UMPS: variants seen among roughly 807,000 people sequenced by gnomAD.
UMPS encodes uridine 5'-monophosphate synthase.
Under a neutral mutation model 38.9 loss-of-function variants are expected in UMPS, and 21 were observed. That is an observed-to-expected ratio of 0.54 (90% confidence interval 0.38 to 0.78). The LOEUF is 0.78. Ranked by LOEUF, UMPS falls within the 30% of genes least tolerant of loss-of-function variation. The pLI is 0.00. For synonymous variants in UMPS, 208 were observed against 219.3 expected, an observed-to-expected ratio of 0.95 and a Z score of 0.45; for missense variants, 533 against 591.6, an observed-to-expected ratio of 0.90 and a Z score of 1.03.
Position 124,738,079 on chromosome 3 carries a change from A to T in UMPS, c.822A>T (p.Gly274=). ...TGTTGCAGCTAGCAGATGCTTTAGGACCTAGTATCTGCATGCTGAAGACTC... is the reference window on the plus strand; with the variant it reads ...TGTTGCAGCTAGCAGATGCTTTAGGTCCTAGTATCTGCATGCTGAAGACTC... ...RELLQLADAL[G]PSICMLKTHV... is the part of the protein sequence containing the mutation. The change falls in exon 3 of 6, where the codon GGA becomes GGT. Residue 274 remains glycine, a synonymous_variant. Coordinates refer to ENST00000232607, the MANE Select transcript of UMPS (RefSeq NM_000373.4). 6.2e-7 allele frequency: 1 copy of T among 1,614,192 alleles called. No individual in the cohort carries two copies. The highest frequency in any genetic ancestry group is 1.1e-5 in the South Asian group (1 of 91,084).
At chr3:124,741,583 C>T (rs534091831) in intron 4 of UMPS, among the ~76,000 whole-genome samples, 5 of 152,232 alleles carry the variant, frequency 3.3e-5, no homozygotes, top group South Asian at 4.2e-4. Context: ...TGGAGTACCC[C>T]GTCTGTAGAT....
chr3:124,742,072 G>GA (rs1326990377), intron 4 of UMPS, 80 bp from the exon 5 acceptor site: 6 of 783,526 alleles, frequency 7.7e-6, no homozygotes, highest in Admixed American at 2.3e-5. Flanking sequence ...TTTAAGTTTT[G>GA]AAAAAATAGA....
rs1479573706 is a variant in UMPS at position 124,737,552 on chromosome 3, AT to A, written c.311-10del. ...CATATTTAAATTTGGAATCAGCAAAATTTTTTCTTTTCTAGGAACTAAGCGT... is the reference window on the plus strand; with the variant it reads ...CATATTTAAATTTGGAATCAGCAAAATTTTTCTTTTCTAGGAACTAAGCGT... On this transcript the variant is annotated splice_polypyrimidine_tract_variant and intron_variant, in intron 2 of 5. Coordinates refer to ENST00000232607, the MANE Select transcript of UMPS (RefSeq NM_000373.4). The A allele has an allele frequency of 1.2e-6, 2 of 1,613,982 alleles. No individual in the cohort carries two copies. Among genetic ancestry groups the A allele is most frequent in the Non-Finnish European group, 1.7e-6 (2 of 1,179,964 alleles).
chr3:124,747,212 G>A lies in UMPS; in HGVS notation c.*3128G>A. On this transcript the variant is annotated 3_prime_UTR_variant, in exon 6 of 6. Transcript: ENST00000232607. The stretch of plus-strand genomic sequence containing the variant: ...GTTAATTTTTAAAATTTTTTGTAGA[G>A]ACGGTGGAGGAGGTTCTCACTGTGA... The A allele has an allele frequency of 2.2e-6, 1 of 453,264 alleles. No homozygotes were observed. The highest frequency in any genetic ancestry group is 4.4e-6 in the Non-Finnish European group (1 of 226,002). 28.1% of individuals were successfully genotyped at this position (453,264 alleles called of 1,614,324 possible).
chr3:124,730,768 T>A, intron 1 of UMPS, 141 bp downstream of exon 1: 1 of 978,352 alleles, frequency 1.0e-6, no homozygotes, highest in Non-Finnish European at 1.5e-6. Context: ...GTTTGGGGAG[T>A]AAGCATGAGA....
chr3:124,743,655 A>AATAAAAAT (rs1553749307), intron 5 of UMPS, among the ~76,000 whole-genome samples: 11 of 151,508 alleles, frequency 7.3e-5, no homozygotes, highest in Admixed American at 2.6e-4. Flanking sequence ...TAAATAAATA[A>AATAAAAAT]AAATAAATAA....
chr3:124,746,985 G>C lies in UMPS; in HGVS notation c.*2901G>C, dbSNP rs144492816. ...TCAGCTCTAAGAAAATCTGCCAAAA[G>C]TAGGCCGAGGGCTGGTTTTTTGTTT... On this transcript the variant is annotated 3_prime_UTR_variant, in exon 6 of 6. Coordinates refer to ENST00000232607, the MANE Select transcript of UMPS (RefSeq NM_000373.4). 5,343 of 453,616 alleles carry C rather than the reference G, an allele frequency of 0.012. 82 individuals are homozygous for C. Among genetic ancestry groups the C allele is most frequent in the Admixed American group, 0.036 (1,539 of 42,466 alleles). 28.1% of individuals were successfully genotyped at this position (453,616 alleles called of 1,614,324 possible).
rs758211116 is a variant in UMPS, at chr3:124,737,562, T to C, written c.311-6T>C. On this transcript the variant is annotated splice_polypyrimidine_tract_variant and splice_region_variant and intron_variant, in intron 2 of 5. Coordinates refer to ENST00000232607, the MANE Select transcript of UMPS (RefSeq NM_000373.4). ...TTTGGAATCAGCAAAATTTTTTCTT[T>C]TCTAGGAACTAAGCGTCTTGTAGAA... 6.2e-7 allele frequency: 1 copy of C among 1,614,060 alleles called. No individual in the cohort carries two copies.
rs694897 is a variant in UMPS, at chr3:124,739,969, C to T, written c.983-55C>T. ...ATTGTAGTTGGTTGGTTGGACAAGA[C>T]GTTAGAGGTTTTGTTTGAAAATCAG... On this transcript the variant is annotated intron_variant, in intron 3 of 5. Transcript: ENST00000232607. 22 of 1,574,678 alleles carry T rather than the reference C, an allele frequency of 1.4e-5. No homozygotes were observed. The Admixed American group carries it at 2.3e-4, about 17-fold the overall frequency.
rs144643225 is a variant in UMPS at position 124,743,938 on chromosome 3, A to G, written c.1297A>G (p.Asn433Asp). The change falls in exon 6 of 6, where the codon AAT becomes GAT. Residue 433 changes from asparagine (N) to aspartate (D), a missense_variant. Asn to Asp is a conservative substitution (Grantham distance 23). Coordinates refer to ENST00000232607, the MANE Select transcript of UMPS (RefSeq NM_000373.4). ...AGGAGATAATCTTGGCCAACAGTACAATAGCCCACAAGAAGTTATTGGCAA... is the reference window on the plus strand; with the variant it reads ...AGGAGATAATCTTGGCCAACAGTACGATAGCCCACAAGAAGTTATTGGCAA... ...AGGDNLGQQY[N>D]SPQEVIGKRG... The G allele has an allele frequency of 3.1e-6, 5 of 1,614,194 alleles. No homozygotes were observed. The East Asian group carries it at 1.1e-4, about 36-fold the overall frequency.
chr3:124,735,160 C>CT lies in UMPS; in HGVS notation c.226dup (p.Tyr76LeufsTer21). The stretch of plus-strand genomic sequence containing the variant: ...AGTTTTGACACCGTGTGTGGAGTGC[C>CT]TTATACAGCTTTGCCATTGGCTACA... On this transcript the variant is annotated frameshift_variant, in exon 2 of 6. Transcript: ENST00000232607. LOFTEE classifies it high-confidence loss of function. 3 of 1,614,164 alleles carry CT rather than the reference C, an allele frequency of 1.9e-6. No homozygotes were observed. The highest frequency in any genetic ancestry group is 2.5e-6 in the Non-Finnish European group (3 of 1,180,006).
At position 124,746,790 on chromosome 3, in the gene UMPS, TGTGTGTGC is replaced by T; in HGVS notation, c.*2707_*2714del. On this transcript the variant is annotated 3_prime_UTR_variant, in exon 6 of 6. Transcript: ENST00000232607. ...GTGTGTGTGTGTGTGTGTGTGTGTG[TGTGTGTGC>T]ATGCGCGCGCGTGCGCACTGGAGGA... is the stretch of plus-strand genomic sequence containing the variant. The T allele has an allele frequency of 2.6e-6, 1 of 379,412 alleles. No homozygotes were observed. The highest frequency in any genetic ancestry group is 1.7e-5 in the South Asian group (1 of 58,066). The allele number at this position is 379,412 out of a possible 1,614,324, so 23.5% of individuals were successfully genotyped here.
In UMPS at chr3:124,734,652, A is replaced by G. The variant is rs1176704768; in HGVS notation, c.157-441A>G. On this transcript the variant is annotated intron_variant, in intron 1 of 5. Coordinates refer to ENST00000232607, the MANE Select transcript of UMPS (RefSeq NM_000373.4). ...GGCATTTGTTTTTTTTTCTCCAATC[A>G]AGTTTGAGACTTACCCCCACTAGTT... Among the ~76,000 whole-genome samples the G allele has an allele frequency of 2.6e-5, 4 of 152,170 alleles. No individual in the cohort carries two copies. The East Asian group carries it at 7.7e-4, about 29-fold the overall frequency.
intron 5 of UMPS, among the ~76,000 whole-genome samples, chr3:124,743,294 A>G (rs1421108635): frequency 1.3e-5 from 2 of 151,838 alleles, no homozygotes; most frequent in African/African-American, 4.8e-5. Flanking sequence ...AGATTGTGCC[A>G]TTGCACTCCA....
intron 4 of UMPS, 27 bp downstream of exon 4, chr3:124,740,226 G>A (rs201505388): frequency 1.9e-6 from 3 of 1,588,128 alleles, no homozygotes; most frequent in Admixed American, 1.7e-5. Flanking sequence ...CTGGGTGAGA[G>A]GGGGCAGGGG....
rs1324476892 is a variant in UMPS at position 124,744,499 on chromosome 3, C to T, written c.*415C>T. ...GTGAGATCACGGCTCATTGCAGCCT[C>T]GACCTCCCAGGTGATCCTCCCACCT... On this transcript the variant is annotated 3_prime_UTR_variant, in exon 6 of 6. Coordinates refer to ENST00000232607, the MANE Select transcript of UMPS (RefSeq NM_000373.4). 2 of 453,990 alleles carry T rather than the reference C, an allele frequency of 4.4e-6. No individual in the cohort carries two copies. Among genetic ancestry groups the T allele is most frequent in the East Asian group, 6.9e-5 (1 of 14,408 alleles). The allele number at this position is 453,990 out of a possible 1,614,324, so 28.1% of individuals were successfully genotyped here.
intron 3 of UMPS, chr3:124,738,464 C>T (rs1440764409): frequency 3.7e-6 from 2 of 534,000 alleles, no homozygotes; most frequent in Non-Finnish European, 3.4e-6. Context: ...TCTGCATGCT[C>T]ACCCCAAACC....
Position 124,746,264 on chromosome 3 carries a change from C to A in UMPS, c.*2180C>A, listed in dbSNP as rs2063596597. On this transcript the variant is annotated 3_prime_UTR_variant, in exon 6 of 6. Transcript: ENST00000232607. ...GGCTCAAATAATCACCCAGCCCCTG[C>A]CACTTACTGAAAGTGTAGGTCCTTG... 2.2e-6 allele frequency: 1 copy of A among 453,982 alleles called. No homozygotes were observed. The highest frequency in any genetic ancestry group is 1.6e-5 in the South Asian group (1 of 64,488). The allele number at this position is 453,982 out of a possible 1,614,324, so 28.1% of individuals were successfully genotyped here. A position where few individuals can be genotyped will look rare whatever the true frequency, so the allele number is the denominator to read the frequency against.
At chr3:124,730,946 C>G (rs1415364282) in intron 1 of UMPS, among the ~76,000 whole-genome samples, 1 of 152,124 alleles carries the variant, frequency 6.6e-6, no homozygotes, top group African/African-American at 2.4e-5. Flanking sequence ...ATTAGACTTG[C>G]GGCCGGGCGT....
Sources: allele counts gnomAD v4.1 joint callset (sites outside exome capture counted in the v4.1 genomes callset), GRCh38; gene constraint gnomAD v4.1.1; transcripts MANE v1.5; gene names NCBI Gene and HGNC (gene_info 2026-07-23, HGNC 2026-07-21).